The following SEC31B variants were observed in gnomAD, a reference collection of about 807,000 sequenced individuals.
The protein encoded by SEC31B is SEC31 homolog B, COPII component.
A neutral mutation model predicts 135.0 loss-of-function variants in SEC31B; 113 were observed. That is an observed-to-expected ratio of 0.84 (90% CI 0.72 to 0.98). SEC31B has a LOEUF of 0.98. Among genes scored for constraint, SEC31B ranks in the 50% least tolerant of loss-of-function variants. The probability of loss-of-function intolerance (pLI) is 0.00; values close to 1 mark genes in which losing one functional copy is unlikely to be tolerated. For missense variants in SEC31B, 1,296 were observed against 1,421.1 expected (o/e 0.91, Z 1.42); for synonymous variants, 508 against 549.4 (o/e 0.92, Z 1.05).
chr10:100,502,733 C>T (rs2133686291), intron 10 of SEC31B, among the ~76,000 whole-genome samples: 2 of 152,290 alleles, frequency 1.3e-5, no homozygotes, highest in Admixed American at 1.3e-4. Flanking sequence ...TTCTGCTAAC[C>T]TGTCCTGGTA....
At chr10:100,508,165 T>C in intron 5 of SEC31B, 114 bp from the exon 6 acceptor site, 1 of 1,262,466 alleles carries the variant, frequency 7.9e-7, no homozygotes. Context: ...GACATGGGGC[T>C]ACCCAAACTA....
chr10:100,515,111 C>T (rs1325076823), intron 3 of SEC31B, among the ~76,000 whole-genome samples: 2 of 151,230 alleles, frequency 1.3e-5, no homozygotes, highest in African/African-American at 4.9e-5. Context: ...GGCAACATGG[C>T]AAAACCCCAT....
In SEC31B at chr10:100,487,723, G is replaced by C; in HGVS notation, c.3433C>G (p.Leu1145Val). The stretch of plus-strand genomic sequence containing the variant: ...CCCGCCACCTGGGCATGCACTGCAA[G>C]GCCCTGCTCAAAGCTTCCTGCATCC... ...CVDAGSFEQG[L>V]AVHAQVAGCS... The change falls in exon 26 of 26, where the codon CTT (leucine) becomes GTT (valine). Residue 1145 changes from leucine to valine, a missense_variant. Coordinates refer to ENST00000370345, the MANE Select transcript of SEC31B (RefSeq NM_015490.4). 1 of 1,614,018 alleles carries C rather than the reference G, an allele frequency of 6.2e-7. No individual in the cohort carries two copies. The highest frequency in any genetic ancestry group is 8.5e-7 in the Non-Finnish European group (1 of 1,179,978).
Position 100,499,236 on chromosome 10 carries a change from T to C in SEC31B, c.1508A>G (p.Asp503Gly). ...QKKVATWLKS[D>G]VGLGESPQPK... ...CTGAGGACTCTCACCTAGCCCCACGTCACTCTTCAACCATGTGGCCACCTG... is the reference window on the plus strand; with the variant it reads ...CTGAGGACTCTCACCTAGCCCCACGCCACTCTTCAACCATGTGGCCACCTG... Residue 503 changes from aspartate (D) to glycine (G), a missense_variant, in exon 13 of 26, where the codon GAC becomes GGC. Coordinates refer to ENST00000370345, the MANE Select transcript of SEC31B (RefSeq NM_015490.4). The C allele has an allele frequency of 6.2e-7, 1 of 1,613,268 alleles. No homozygotes were observed. The highest frequency in any genetic ancestry group is 8.5e-7 in the Non-Finnish European group (1 of 1,179,712).
Position 100,508,610 on chromosome 10 carries a change from C to T in SEC31B, c.495+397G>A, listed in dbSNP as rs547100982. 7.7e-5 allele frequency: 33 copies of T among 426,544 alleles called. No individual in the cohort carries two copies. In the Admixed American group the frequency reaches 9.3e-4, roughly 12 times the overall value. 26.4% of individuals were successfully genotyped at this position (426,544 alleles called of 1,614,324 possible). A position where few individuals can be genotyped will look rare whatever the true frequency, so the allele number is the denominator to read the frequency against. On this transcript the variant is annotated intron_variant, in intron 5 of 25. Transcript: ENST00000370345. ...ACATACAGGGAGAACAAAGCTGACCCCCCCCTCCATAAAAAGGACAATGGT... is the reference window on the plus strand; with the variant it reads ...ACATACAGGGAGAACAAAGCTGACCTCCCCCTCCATAAAAAGGACAATGGT...
intron 3 of SEC31B, among the ~76,000 whole-genome samples, chr10:100,515,270 C>T (rs780128942): frequency 6.6e-5 from 10 of 152,026 alleles, no homozygotes; most frequent in Non-Finnish European, 1.2e-4. Flanking sequence ...CCAGCCTGGG[C>T]GACAGAGTAA....
chr10:100,511,994 G>A (rs888429377), intron 3 of SEC31B, among the ~76,000 whole-genome samples: 18 of 152,308 alleles, frequency 1.2e-4, no homozygotes, highest in African/African-American at 3.4e-4. Flanking sequence ...ATAAACTCAG[G>A]TCTATCCAAC....
chr10:100,493,473 C>T (rs1019850665), intron 19 of SEC31B, among the ~76,000 whole-genome samples: 1 of 152,014 alleles, frequency 6.6e-6, no homozygotes, highest in Non-Finnish European at 1.5e-5. Context: ...CTTGAATGAA[C>T]CTCAAAGAAG....
Position 100,509,054 on chromosome 10 carries a change from C to G in SEC31B, c.448G>C (p.Asp150His), listed in dbSNP as rs974953671. 6.2e-7 allele frequency: 1 copy of G among 1,614,098 alleles called. No homozygotes were observed. The highest frequency in any genetic ancestry group is 8.5e-7 in the Non-Finnish European group (1 of 1,180,022). The change falls in exon 5 of 26, where the codon GAT (aspartate) becomes CAT (histidine). Residue 150 changes from aspartate (D) to histidine (H), a missense_variant. By Grantham distance (81) the Asp-to-His change is moderately conservative. Coordinates refer to ENST00000370345, the MANE Select transcript of SEC31B (RefSeq NM_015490.4). ...GASDSEIFIW[D>H]LNNLNVPMTL... ...ATTGGCACATTCAAGTTATTCAGAT[C>G]CCAAATGAAGATTTCAGAATCGCTG...
At chr10:100,488,202 G>A in intron 24 of SEC31B, 104 bp from the exon 25 acceptor site, 4 of 1,042,124 alleles carry the variant, frequency 3.8e-6, no homozygotes, top group South Asian at 2.6e-5. Flanking sequence ...GCTCACGCCT[G>A]TAATCCCAGC....
chr10:100,511,678 T>C (rs1851739992), intron 3 of SEC31B, among the ~76,000 whole-genome samples: 1 of 152,200 alleles, frequency 6.6e-6, no homozygotes. Flanking sequence ...TGGTTTGGAT[T>C]ATTTCATTTT....
chr10:100,508,320 A>G (rs1033037035), intron 5 of SEC31B: 2 of 550,520 alleles, frequency 3.6e-6, no homozygotes, highest in Non-Finnish European at 6.6e-6. Flanking sequence ...ATTTTAAAAA[A>G]CAGCCCTCTT....
At chr10:100,506,000 A>C in intron 9 of SEC31B, 40 bp downstream of exon 9, 1 of 1,611,112 alleles carries the variant, frequency 6.2e-7, no homozygotes, top group Non-Finnish European at 8.5e-7. Flanking sequence ...AAACAGAGAC[A>C]GCCCCTTCCC....
chr10:100,496,260 G>A lies in SEC31B; in HGVS notation c.2308C>T (p.Gln770Ter). ...AMSFLPRDCA[Q>*]PPVQQLRDRL... ...TCTCTCCACATGGCCCCACTTACCT[G>A]AGCACAGTCCCTGGGTAGAAAGCTC... The change falls in exon 18 of 26, where the codon CAG becomes TAG. Residue 770 changes from glutamine (Q) to a stop codon, truncating the protein, a stop_gained and splice_region_variant. Coordinates refer to ENST00000370345, the MANE Select transcript of SEC31B (RefSeq NM_015490.4). LOFTEE classifies it high-confidence loss of function. The A allele has an allele frequency of 6.2e-7, 1 of 1,613,962 alleles. No individual in the cohort carries two copies. Among genetic ancestry groups the A allele is most frequent in the African/African-American group, 1.3e-5 (1 of 75,048 alleles).
rs267602338 is a variant in SEC31B at position 100,499,565 on chromosome 10, G to C, written c.1444C>G (p.Leu482Val). ...TLEQDSRMKF[L>V]KLLGYSKDEL... ...TCTTTACTGTATCCTAAAAGCTTTA[G>C]GAATTTCATTCTGGAGTCTTGCTCT... The change falls in exon 12 of 26, where the codon CTA becomes GTA. Residue 482 changes from leucine (L) to valine (V), a missense_variant. Leu to Val is a conservative substitution (Grantham distance 32). Transcript: ENST00000370345. 3 of 1,612,378 alleles carry C rather than the reference G, an allele frequency of 1.9e-6. No individual in the cohort carries two copies. The highest frequency in any genetic ancestry group is 1.7e-6 in the Non-Finnish European group (2 of 1,179,428).
At chr10:100,498,297 C>CT in intron 14 of SEC31B, 90 bp from the exon 15 acceptor site, 1 of 1,205,876 alleles carries the variant, frequency 8.3e-7, no homozygotes, top group Non-Finnish European at 1.2e-6. Context: ...CTCTATATCT[C>CT]TATATCACTC....
At chr10:100,511,014 C>T (rs914457743) in intron 3 of SEC31B, among the ~76,000 whole-genome samples, 13 of 152,176 alleles carry the variant, frequency 8.5e-5, no homozygotes, top group Non-Finnish European at 1.6e-4. Context: ...GAAAAACCCA[C>T]ATGAAGATGC....
At chr10:100,514,565 A>G (rs1046527443) in intron 3 of SEC31B, among the ~76,000 whole-genome samples, 1 of 152,068 alleles carries the variant, frequency 6.6e-6, no homozygotes, top group African/African-American at 2.4e-5. Flanking sequence ...GTAAAAAAAA[A>G]AAAACCTGCA....
chr10:100,499,171 A>C lies in SEC31B; in HGVS notation c.1573T>G (p.Phe525Val). ...GACTCCTACCACACCTGGCTGCAGAAGGCCTGTTGTCTGTCACTGTTGAGG... is the reference window on the plus strand; with the variant it reads ...GACTCCTACCACACCTGGCTGCAGACGGCCTGTTGTCTGTCACTGTTGAGG... ...NDLNSDRQQA[F>V]CSQASKHTTK... is the part of the protein sequence containing the mutation. Residue 525 changes from phenylalanine to valine, a missense_variant, in exon 13 of 26, where the codon TTC (phenylalanine) becomes GTC (valine). By Grantham distance (50) the Phe-to-Val change is conservative (BLOSUM62 -1). Coordinates refer to ENST00000370345, the MANE Select transcript of SEC31B (RefSeq NM_015490.4). 1 of 1,613,950 alleles carries C rather than the reference A, an allele frequency of 6.2e-7. No homozygotes were observed. Among genetic ancestry groups the C allele is most frequent in the Non-Finnish European group, 8.5e-7 (1 of 1,179,882 alleles).
Sources: gnomAD v4.1 joint callset for allele counts (sites outside exome capture counted in the v4.1 genomes callset) on GRCh38, gnomAD v4.1.1 for gene constraint, MANE v1.5 for transcripts, NCBI Gene and HGNC (gene_info 2026-07-23, HGNC 2026-07-21) for gene names.